ATP6V1A: variants seen among roughly 807,000 people sequenced by gnomAD.
ATP6V1A encodes ATPase H+ transporting V1 subunit A.
A neutral mutation model predicts 70.1 loss-of-function variants in ATP6V1A; 18 were observed. The observed-to-expected ratio is 0.26, with a 90% CI of 0.18 to 0.38. ATP6V1A has a LOEUF of 0.38. ATP6V1A is among the 10% of genes least tolerant of loss of function. The pLI is 1.00. For synonymous variants in ATP6V1A, 232 were observed against 253.8 expected (o/e 0.91, Z 0.82); for missense variants, 424 against 772.4 (o/e 0.55, Z 5.35).
At chr3:113,802,459 T>C (rs1709224481) in intron 12 of ATP6V1A, among the ~76,000 whole-genome samples, 1 of 148,894 alleles carries the variant, frequency 6.7e-6, no homozygotes, top group South Asian at 2.1e-4. Flanking sequence ...GCCCCCCGAG[T>C]AGCTGGGACT....
chr3:113,800,655 T>C (rs1222922633), intron 12 of ATP6V1A, among the ~76,000 whole-genome samples: 1 of 152,208 alleles, frequency 6.6e-6, no homozygotes, highest in Non-Finnish European at 1.5e-5. Context: ...AGACTTTCAG[T>C]TTGATAGAAA....
chr3:113,789,292 C>T (rs1709068519), intron 7 of ATP6V1A, among the ~76,000 whole-genome samples: 2 of 152,154 alleles, frequency 1.3e-5, no homozygotes, highest in Middle Eastern at 3.2e-3. Context: ...CAATAATCGA[C>T]CCACTTCAGC....
intron 4 of ATP6V1A, 71 bp downstream of exon 4, chr3:113,784,509 T>C: frequency 6.9e-7 from 1 of 1,452,832 alleles, no homozygotes; most frequent in East Asian, 2.3e-5. Context: ...TAAACTACAT[T>C]GTACTCTTAG....
chr3:113,805,556 A>G (rs771974708), intron 14 of ATP6V1A, 31 bp downstream of exon 14: 1 of 1,561,192 alleles, frequency 6.4e-7, no homozygotes, highest in Admixed American at 1.9e-5. Context: ...AACTTTTTTT[A>G]TTTGGAAATG....
chr3:113,789,165 A>G (rs2108033682), intron 7 of ATP6V1A, among the ~76,000 whole-genome samples: 1 of 152,228 alleles, frequency 6.6e-6, no homozygotes, highest in South Asian at 2.1e-4. Context: ...CTCCTTCCTC[A>G]GCCTCCTGAG....
intron 1 of ATP6V1A, among the ~76,000 whole-genome samples, chr3:113,768,535 A>G (rs2108017662): frequency 6.7e-6 from 1 of 149,388 alleles, no homozygotes; most frequent in Non-Finnish European, 1.5e-5. Flanking sequence ...GCAGTTCCAG[A>G]TGTCCCAGGC....
At chr3:113,799,755 T>C (rs9828449) in intron 12 of ATP6V1A, among the ~76,000 whole-genome samples, 50,269 of 152,002 alleles carry the variant, frequency 0.33, 8,482 homozygotes, top group East Asian at 0.36. Context: ...ACACTAGCAG[T>C]ACCAACTAGA....
At chr3:113,776,009 G>C (rs1708908053) in intron 1 of ATP6V1A, among the ~76,000 whole-genome samples, 1 of 152,028 alleles carries the variant, frequency 6.6e-6, no homozygotes, top group Admixed American at 6.6e-5. Context: ...ATGTTTTACA[G>C]TCCCATGCCT....
At chr3:113,752,554 C>G (rs1332454558) in intron 1 of ATP6V1A, among the ~76,000 whole-genome samples, 1 of 151,966 alleles carries the variant, frequency 6.6e-6, no homozygotes, top group African/African-American at 2.4e-5. Flanking sequence ...ATTCTTTCAT[C>G]TTAACTACTT....
At chr3:113,775,229 CT>C (rs200572945) in intron 1 of ATP6V1A, among the ~76,000 whole-genome samples, 2,080 of 137,748 alleles carry the variant, frequency 0.015, 23 homozygotes, top group African/African-American at 0.038. Context: ...TCACAAGGAA[CT>C]TTTTTTTTTT....
At chr3:113,772,727 CA>C (rs570501520) in intron 1 of ATP6V1A, among the ~76,000 whole-genome samples, 44,113 of 112,618 alleles carry the variant, frequency 0.39, 6,704 homozygotes, top group East Asian at 0.42. Context: ...GACTCCATCT[CA>C]AAAAAAAAAA....
intron 6 of ATP6V1A, among the ~76,000 whole-genome samples, chr3:113,788,259 G>A (rs1432950154): frequency 6.6e-6 from 1 of 151,750 alleles, no homozygotes; most frequent in Non-Finnish European, 1.5e-5. Context: ...CCAGTTTATT[G>A]AATATATTTC....
At chr3:113,766,496 TG>T (rs1259348020) in intron 1 of ATP6V1A, among the ~76,000 whole-genome samples, 1 of 152,152 alleles carries the variant, frequency 6.6e-6, no homozygotes, top group Non-Finnish European at 1.5e-5. Flanking sequence ...GGTCTCACTA[TG>T]TTACCTATTC....
chr3:113,775,030 G>T (rs1346928794), intron 1 of ATP6V1A, among the ~76,000 whole-genome samples: 1 of 152,120 alleles, frequency 6.6e-6, no homozygotes, highest in African/African-American at 2.4e-5. Context: ...AAGAGAATGT[G>T]CTTGGAGAGG....
chr3:113,781,141 G>C lies in ATP6V1A; in HGVS notation c.174G>C (p.Glu58Asp), dbSNP rs1315496967. 1.2e-6 allele frequency: 2 copies of C among 1,613,608 alleles called. No individual in the cohort carries two copies. The highest frequency in any genetic ancestry group is 1.7e-6 in the Non-Finnish European group (2 of 1,179,788). Reference protein sequence around the residue: ...SELVGEIIRLEGDMATIQVYE... With the variant: ...SELVGEIIRLDGDMATIQVYE... Reference sequence around the variant, plus strand: ...TGGTTGGAGAGATTATTCGATTGGAGGGTGACATGGCTACTATTCAGGTGT... The same window carrying C: ...TGGTTGGAGAGATTATTCGATTGGACGGTGACATGGCTACTATTCAGGTGT... The change falls in exon 3 of 15, where the codon GAG (glutamate) becomes GAC (aspartate). Residue 58 changes from glutamate (E) to aspartate (D), a missense_variant. Transcript: ENST00000273398.
At chr3:113,799,102 A>T (rs945926667) in intron 12 of ATP6V1A, among the ~76,000 whole-genome samples, 3 of 152,206 alleles carry the variant, frequency 2.0e-5, no homozygotes, top group Admixed American at 2.0e-4. Flanking sequence ...AAACAGGAAG[A>T]ACTGCAAAAC....
chr3:113,776,272 G>A (rs994210663), intron 1 of ATP6V1A, among the ~76,000 whole-genome samples: 4 of 151,992 alleles, frequency 2.6e-5, no homozygotes, highest in Non-Finnish European at 4.4e-5. Context: ...GGACGGGGGC[G>A]GCTGAGGTGA....
chr3:113,774,138 G>T (rs1382262419), intron 1 of ATP6V1A, among the ~76,000 whole-genome samples: 1 of 151,142 alleles, frequency 6.6e-6, no homozygotes, highest in African/African-American at 2.4e-5. Context: ...TTGTGAACAA[G>T]AAACAGGATG....
chr3:113,766,690 A>G (rs1444998009), intron 1 of ATP6V1A, among the ~76,000 whole-genome samples: 2 of 152,142 alleles, frequency 1.3e-5, no homozygotes, highest in Non-Finnish European at 2.9e-5. Context: ...TAATACCATC[A>G]CATTGAGGGT....
Sources: gnomAD v4.1 joint callset for allele counts (sites outside exome capture counted in the v4.1 genomes callset) on GRCh38, gnomAD v4.1.1 for gene constraint, MANE v1.5 for transcripts, NCBI Gene and HGNC (gene_info 2026-07-23, HGNC 2026-07-21) for gene names.